ARF5: variants seen among roughly 807,000 people sequenced by gnomAD.
ARF5 encodes ADP-ribosylation factor 5.
In ARF5, 10 loss-of-function variants were observed where a neutral mutation model predicts 24.8. The ratio of observed to expected loss-of-function variants is 0.40; its 90% CI spans 0.25 to 0.68. The LOEUF is 0.68. Among genes scored for constraint, ARF5 ranks in the 30% least tolerant of loss-of-function variants. The pLI is 0.36. For synonymous variants in ARF5, 102 were observed against 95.1 expected (o/e 1.07, Z -0.42); for missense variants, 135 against 239.2 (o/e 0.56, Z 2.87).
intron 4 of ARF5, 45 bp downstream of exon 4, chr7:127,590,182 A>G: frequency 6.6e-7 from 1 of 1,522,214 alleles, no homozygotes; most frequent in Non-Finnish European, 9.1e-7. Flanking sequence ...GCTTGGGGAC[A>G]GAGTGATCTC....
chr7:127,588,533 T>C lies in ARF5; in HGVS notation c.35T>C (p.Ile12Thr). The change falls in exon 1 of 6, where the codon ATC (isoleucine) becomes ACC (threonine). Residue 12 changes from isoleucine to threonine, a missense_variant. By Grantham distance (89) the Ile-to-Thr change is moderately conservative. This residue lies in a region of ARF5 where 25 missense variants were observed against 30.6 expected (regional missense o/e 0.82). Coordinates refer to ENST00000000233, the MANE Select transcript of ARF5 (RefSeq NM_001662.4). ...GLTVSALFSR[I>T]FGKKQMRILM... The stretch of plus-strand genomic sequence containing the variant: ...ACCGTGTCCGCGCTCTTTTCGCGGA[T>C]CTTCGGGAAGAAGCAGATGCGGATT... 1 of 1,467,110 alleles carries C rather than the reference T, an allele frequency of 6.8e-7. No homozygotes were observed. Among genetic ancestry groups the C allele is most frequent in the Non-Finnish European group, 9.1e-7 (1 of 1,098,494 alleles). 90.9% of individuals were successfully genotyped at this position (1,467,110 alleles called of 1,614,324 possible). A position where few individuals can be genotyped will look rare whatever the true frequency, so the allele number is the denominator to read the frequency against.
intron 1 of ARF5, chr7:127,588,809 G>T: frequency 1.7e-6 from 1 of 577,644 alleles, no homozygotes; most frequent in Non-Finnish European, 3.0e-6. Flanking sequence ...TGGTAAGAAG[G>T]GAGGATTCCG....
At chr7:127,590,006 A>C in intron 3 of ARF5, 60 bp from the exon 4 acceptor site, 1 of 1,436,250 alleles carries the variant, frequency 7.0e-7, no homozygotes, top group Non-Finnish European at 9.8e-7. Flanking sequence ...AAAGGGCCAC[A>C]CTACGGTATG....
Position 127,591,347 on chromosome 7 carries a change from C to T in ARF5, c.*48C>T. 1 of 1,487,638 alleles carries T rather than the reference C, an allele frequency of 6.7e-7. No homozygotes were observed. The highest frequency in any genetic ancestry group is 1.3e-5 in the South Asian group (1 of 74,942). 92.2% of individuals were successfully genotyped at this position (1,487,638 alleles called of 1,614,324 possible). A position where few individuals can be genotyped will look rare whatever the true frequency, so the allele number is the denominator to read the frequency against. On this transcript the variant is annotated 3_prime_UTR_variant, in exon 6 of 6. Coordinates refer to ENST00000000233, the MANE Select transcript of ARF5 (RefSeq NM_001662.4). Reference sequence around the variant, plus strand: ...TGCCCGGAAGCTCCTGCGTGCATCCCCGGGATGACCAGACTCCCGGACTCC... The same window carrying T: ...TGCCCGGAAGCTCCTGCGTGCATCCTCGGGATGACCAGACTCCCGGACTCC...
At chr7:127,588,917 G>T in intron 1 of ARF5, 166 bp from the exon 2 acceptor site, 3 of 762,600 alleles carry the variant, frequency 3.9e-6, no homozygotes, top group Middle Eastern at 5.4e-4. Flanking sequence ...GTTGGCTCAC[G>T]CCACCCGACT....
chr7:127,589,691 A>G (rs1794256156), intron 3 of ARF5, 97 bp downstream of exon 3: 2 of 966,192 alleles, frequency 2.1e-6, no homozygotes, highest in Non-Finnish European at 1.6e-6. Context: ...CAGGCCAAGG[A>G]AAAAACCCTT....
chr7:127,589,500 CAG>C lies in ARF5; in HGVS notation c.165_166del (p.Val56GlyfsTer3). The C allele has an allele frequency of 6.2e-7, 1 of 1,611,930 alleles. No individual in the cohort carries two copies. Among genetic ancestry groups the C allele is most frequent in the East Asian group, 2.2e-5 (1 of 44,874 alleles). ...TTATCTGCAGGCTTCAATGTAGAAACAGTGGAATATAAGAACATCTGTTTCAC... is the reference window on the plus strand; with the variant it reads ...TTATCTGCAGGCTTCAATGTAGAAACTGGAATATAAGAACATCTGTTTCAC... On this transcript the variant is annotated frameshift_variant, in exon 3 of 6. Coordinates refer to ENST00000000233, the MANE Select transcript of ARF5 (RefSeq NM_001662.4). LOFTEE classifies it high-confidence loss of function.
At chr7:127,588,898 C>A (rs1341907790) in intron 1 of ARF5, 185 bp from the exon 2 acceptor site, 4 of 684,862 alleles carry the variant, frequency 5.8e-6, no homozygotes, top group Non-Finnish European at 9.8e-6. Flanking sequence ...GCTCCGCGCC[C>A]TCTTTGGAGT....
chr7:127,590,114 T>C lies in ARF5; in HGVS notation c.307T>C (p.Ser103Pro), dbSNP rs771445967. Reference sequence around the variant, plus strand: ...TAATGACCGGGAGCGGGTCCAAGAATCTGCTGATGAACTCCAGAAGATGGT... The same window carrying C: ...TAATGACCGGGAGCGGGTCCAAGAACCTGCTGATGAACTCCAGAAGATGGT... The part of the protein sequence containing the change: ...DSNDRERVQE[S>P]ADELQKMLQE... Residue 103 changes from serine to proline, a missense_variant, in exon 4 of 6, where the codon TCT becomes CCT. By Grantham distance (74) the Ser-to-Pro change is moderately conservative. Around this residue, in one of 3 missense-constraint regions of ARF5, gnomAD observed 102 missense variants for 160.9 expected, o/e 0.63. Transcript: ENST00000000233. The C allele has an allele frequency of 6.2e-7, 1 of 1,613,992 alleles. No homozygotes were observed. Among genetic ancestry groups the C allele is most frequent in the South Asian group, 1.1e-5 (1 of 91,090 alleles).
chr7:127,589,192 G>C (rs372171350), intron 2 of ARF5, 29 bp downstream of exon 2: 1 of 1,612,878 alleles, frequency 6.2e-7, no homozygotes, highest in African/African-American at 1.3e-5. Context: ...CAGGGAGCGG[G>C]AGCGCCGCGG....
intron 2 of ARF5, 50 bp from the exon 3 acceptor site, chr7:127,589,435 G>C (rs1173680870): frequency 1.4e-5 from 21 of 1,464,590 alleles, no homozygotes; most frequent in Non-Finnish European, 1.9e-5. Flanking sequence ...GTTTTAGTGA[G>C]TTCCTTTCTT....
Position 127,591,320 on chromosome 7 carries a change from G to A in ARF5, c.*21G>A, listed in dbSNP as rs551339342. The A allele has an allele frequency of 9.4e-5, 147 of 1,564,094 alleles. 2 individuals are homozygous for A. The South Asian group carries it at 1.6e-3, about 18-fold the overall frequency. On this transcript the variant is annotated 3_prime_UTR_variant, in exon 6 of 6. Transcript: ENST00000000233. ...GCTAACCAGCCAGGGGCAGGCCCCTGATGCCCGGAAGCTCCTGCGTGCATC... is the reference window on the plus strand; with the variant it reads ...GCTAACCAGCCAGGGGCAGGCCCCTAATGCCCGGAAGCTCCTGCGTGCATC...
intron 3 of ARF5, 33 bp downstream of exon 3, chr7:127,589,627 C>T: frequency 6.5e-7 from 1 of 1,527,460 alleles, no homozygotes; most frequent in Admixed American, 1.8e-5. Context: ...TCTAACCCCA[C>T]GGGAAAAGGT....
intron 1 of ARF5, 79 bp from the exon 2 acceptor site, chr7:127,589,004 G>T: frequency 1.3e-6 from 2 of 1,517,842 alleles, no homozygotes; most frequent in Non-Finnish European, 1.8e-6. Flanking sequence ...ACCATCAGCT[G>T]TTGTGGCCTC....
At chr7:127,589,732 C>T (rs1406570932) in intron 3 of ARF5, 138 bp downstream of exon 3, 1 of 667,206 alleles carries the variant, frequency 1.5e-6, no homozygotes, top group Non-Finnish European at 2.6e-6. Flanking sequence ...TTTGGCTATC[C>T]CCTACTCACT....
chr7:127,589,045 C>G (rs747025988), intron 1 of ARF5, 38 bp from the exon 2 acceptor site: 36 of 1,610,134 alleles, frequency 2.2e-5, no homozygotes, highest in South Asian at 2.2e-4. Context: ...GGGGCTCCCT[C>G]GCTCCCATCT....
chr7:127,588,599 G>A (rs1241149167), intron 1 of ARF5, 34 bp downstream of exon 1: 7 of 1,323,294 alleles, frequency 5.3e-6, no homozygotes, highest in Non-Finnish European at 6.8e-6. Flanking sequence ...CCGGACCGGG[G>A]CGCCGGCCCC....
intron 3 of ARF5, 122 bp downstream of exon 3, chr7:127,589,716 C>T (rs1387316270): frequency 1.4e-6 from 1 of 728,830 alleles, no homozygotes; most frequent in African/African-American, 1.8e-5. Flanking sequence ...ACTTCTACCC[C>T]TTCTGTTTGG....
At position 127,591,077 on chromosome 7, in the gene ARF5, C is replaced by T. The variant is rs751785636; in HGVS notation, c.445C>T (p.Arg149Cys). ...LTDKLGLQHL[R>C]SRTWYVQATC... ...TGACAAGCTGGGGCTACAGCACTTA[C>T]GCAGCCGCACGGTAGGGGTCCTGCC... Residue 149 changes from arginine to cysteine, a missense_variant, in exon 5 of 6, where the codon CGC becomes TGC. Physicochemically the swap from Arg to Cys is radical, Grantham distance 180 (BLOSUM62 -3). Transcript: ENST00000000233. 3.6e-5 allele frequency: 58 copies of T among 1,613,900 alleles called. No homozygotes were observed. The highest frequency in any genetic ancestry group is 4.5e-5 in the Non-Finnish European group (53 of 1,179,988).
Sources: gnomAD v4.1 joint callset for allele counts on GRCh38, gnomAD v4.1.1 for gene constraint, gnomAD v4.1.1 regional missense constraint, MANE v1.5 for transcripts, NCBI Gene and HGNC (gene_info 2026-07-23, HGNC 2026-07-21) for gene names.